The following USH2A variants were observed in gnomAD, a reference collection of about 807,000 sequenced individuals.
USH2A encodes Usher syndrome 2A (autosomal recessive, mild).
USH2A carries 443 observed loss-of-function variants against 538.9 expected under a neutral mutation model. The observed-to-expected ratio is 0.82, with a 90% CI of 0.76 to 0.89. The LOEUF (loss-of-function observed/expected upper bound fraction) is 0.89. Ranked by LOEUF, USH2A falls within the 40% of genes least tolerant of loss-of-function variation. The pLI is 0.00. For missense variants in USH2A, 6,633 were observed against 6,324.8 expected (o/e 1.05, Z -1.65); for synonymous variants, 2,413 against 2,273.5 (o/e 1.06, Z -1.75).
intron 21 of USH2A, chr1:216,175,018 G>A (rs766880306): frequency 8.1e-6 from 11 of 1,361,490 alleles, no homozygotes; most frequent in Non-Finnish European, 1.0e-5. Flanking sequence ...GATCCAATAA[G>A]GCTGCTTCTT....
chr1:216,036,995 G>C (rs946686496), intron 32 of USH2A, among the ~76,000 whole-genome samples: 1 of 151,996 alleles, frequency 6.6e-6, no homozygotes, highest in East Asian at 1.9e-4. Context: ...CTCAATCAAG[G>C]TCAAGACATT....
chr1:215,746,111 G>A (rs1660461884), intron 58 of USH2A, among the ~76,000 whole-genome samples: 1 of 152,104 alleles, frequency 6.6e-6, no homozygotes, highest in South Asian at 2.1e-4. Flanking sequence ...GAAAAAAATT[G>A]ATTCCCAGCT....
At chr1:216,281,008 A>C (rs2102594659) in intron 11 of USH2A, among the ~76,000 whole-genome samples, 1 of 152,264 alleles carries the variant, frequency 6.6e-6, no homozygotes, top group Non-Finnish European at 1.5e-5. Context: ...CAACTTTTTA[A>C]GTGTGTGTTC....
chr1:215,723,326 C>T (rs1333301854), intron 61 of USH2A, among the ~76,000 whole-genome samples: 1 of 152,186 alleles, frequency 6.6e-6, no homozygotes, highest in Non-Finnish European at 1.5e-5. Context: ...CCTGCCAACA[C>T]ATACGCTTCT....
At chr1:215,978,130 A>G (rs1667665855) in intron 35 of USH2A, among the ~76,000 whole-genome samples, 1 of 152,202 alleles carries the variant, frequency 6.6e-6, no homozygotes, top group Non-Finnish European at 1.5e-5. Flanking sequence ...CTTTCTTAAA[A>G]AAGAAAATTA....
chr1:215,872,708 T>C (rs1471238652), intron 43 of USH2A, among the ~76,000 whole-genome samples: 1 of 152,074 alleles, frequency 6.6e-6, no homozygotes, highest in African/African-American at 2.4e-5. Context: ...ATCACCAATG[T>C]TGAATGTAGG....
At chr1:215,687,511 T>C (rs149748998) in intron 61 of USH2A, among the ~76,000 whole-genome samples, 67 of 152,152 alleles carry the variant, frequency 4.4e-4, no homozygotes, top group African/African-American at 9.4e-4. Context: ...GCTAGAGTTA[T>C]TGCAAAATGA....
At chr1:216,305,850 T>C (rs757094222) in intron 9 of USH2A, among the ~76,000 whole-genome samples, 1 of 152,202 alleles carries the variant, frequency 6.6e-6, no homozygotes, top group African/African-American at 2.4e-5. Flanking sequence ...CAATTCCTTC[T>C]AGCTTGCAGG....
chr1:216,119,999 GA>G (rs971343756), intron 21 of USH2A, among the ~76,000 whole-genome samples: 8 of 151,356 alleles, frequency 5.3e-5, no homozygotes, highest in African/African-American at 1.9e-4. Context: ...TTTTTTTATT[GA>G]AAAAGAATAA....
chr1:216,330,124 G>A (rs557399641), intron 4 of USH2A, among the ~76,000 whole-genome samples: 5 of 152,170 alleles, frequency 3.3e-5, no homozygotes, highest in East Asian at 1.9e-4. Context: ...GGCTTTAAAT[G>A]TCAGGGTGGC....
At chr1:215,878,021 G>T in intron 42 of USH2A, 141 bp from the exon 43 acceptor site, 2 of 1,226,976 alleles carry the variant, frequency 1.6e-6, no homozygotes, top group Non-Finnish European at 2.3e-6. Flanking sequence ...CAGTTACGTG[G>T]TTTTGTTTCA....
chr1:215,909,167 G>T (rs557909914), intron 38 of USH2A, among the ~76,000 whole-genome samples: 23 of 151,474 alleles, frequency 1.5e-4, no homozygotes, highest in Non-Finnish European at 3.1e-4. Context: ...CATAACCTGG[G>T]AATATAGTAA....
In USH2A at chr1:215,864,510, C is replaced by A. The variant is rs117581680; in HGVS notation, c.8845+2497G>T. On this transcript the variant is annotated intron_variant, in intron 44 of 71. Transcript: ENST00000307340. ...TGGGGACCGGGTCAGATTTTTAGGGCATGATCTGTCTAAAGGGGAAGCCAG... is the reference window on the plus strand; with the variant it reads ...TGGGGACCGGGTCAGATTTTTAGGGAATGATCTGTCTAAAGGGGAAGCCAG... 2.6e-5 allele frequency among the ~76,000 whole-genome samples: 4 copies of A among 152,240 alleles called. No individual in the cohort carries two copies. The East Asian group carries it at 7.7e-4, about 29-fold the overall frequency.
chr1:215,785,942 C>T (rs952001959), intron 52 of USH2A, among the ~76,000 whole-genome samples: 60 of 149,930 alleles, frequency 4.0e-4, no homozygotes, highest in African/African-American at 1.4e-3. Context: ...TACACACACA[C>T]ACACACACAC....
chr1:215,984,103 G>A (rs1279970280), intron 35 of USH2A, among the ~76,000 whole-genome samples: 3 of 152,166 alleles, frequency 2.0e-5, no homozygotes, highest in Non-Finnish European at 4.4e-5. Flanking sequence ...CAGAGAGAGA[G>A]GAAGCCCATT....
intron 4 of USH2A, among the ~76,000 whole-genome samples, chr1:216,355,547 A>G (rs1029148046): frequency 8.5e-5 from 13 of 152,148 alleles, no homozygotes; most frequent in African/African-American, 2.4e-4. Flanking sequence ...GCAAAAGTAA[A>G]GACATTTTTA....
At position 216,292,194 on chromosome 1, in the gene USH2A, A is replaced by C. The variant is rs1185420639; in HGVS notation, c.1821T>G (p.Asp607Glu). The change falls in exon 10 of 72, where the codon GAT (aspartate) becomes GAG (glutamate). Residue 607 changes from aspartate (D) to glutamate (E), a missense_variant. Coordinates refer to ENST00000307340, the MANE Select transcript of USH2A (RefSeq NM_206933.4). ...ACTTACCTGTAGTGTTATGCTCACA[A>C]TCATCACAAACTCCTCCTCCCCCTC... ...HFRGGGGVCDDCEHNTTGRNC... is the reference protein window; with the variant it reads ...HFRGGGGVCDECEHNTTGRNC... The C allele has an allele frequency of 6.2e-7, 1 of 1,614,112 alleles. No individual in the cohort carries two copies. Among genetic ancestry groups the C allele is most frequent in the Non-Finnish European group, 8.5e-7 (1 of 1,179,958 alleles).
At chr1:216,321,083 C>T (rs372446475) in intron 9 of USH2A, among the ~76,000 whole-genome samples, 98 of 152,184 alleles carry the variant, frequency 6.4e-4, no homozygotes, top group South Asian at 6.0e-3. Flanking sequence ...GTTTAAGCCA[C>T]ATACATTTTT....
At chr1:215,637,772 A>G (rs888129088) in intron 69 of USH2A, among the ~76,000 whole-genome samples, 1 of 152,186 alleles carries the variant, frequency 6.6e-6, no homozygotes, top group Admixed American at 6.5e-5. Flanking sequence ...TCTCAAAAAA[A>G]TTAAAAAAAA....
Sources: allele counts gnomAD v4.1 joint callset (sites outside exome capture counted in the v4.1 genomes callset), GRCh38; gene constraint gnomAD v4.1.1; transcripts MANE v1.5; gene names NCBI Gene and HGNC (gene_info 2026-07-23, HGNC 2026-07-21).